PDZRN3: variants seen among roughly 807,000 people sequenced by gnomAD.
The protein encoded by PDZRN3 is PDZ domain containing ring finger 3.
PDZRN3 carries 38 observed loss-of-function variants against 85.7 expected under a neutral mutation model. The ratio of observed to expected loss-of-function variants is 0.44; its 90% confidence interval spans 0.34 to 0.58. The LOEUF is 0.58. Among genes scored for constraint, PDZRN3 ranks in the 20% least tolerant of loss-of-function variants. The probability of loss-of-function intolerance (pLI) is 0.01; values close to 1 mark genes in which losing one functional copy is unlikely to be tolerated. For missense variants in PDZRN3, 1,629 were observed against 1,506.4 expected (o/e 1.08, Z -1.35); for synonymous variants, 759 against 638.0 (o/e 1.19, Z -2.86).
chr3:73,499,721 A>G (rs1281768996), intron 3 of PDZRN3, among the ~76,000 whole-genome samples: 1 of 152,168 alleles, frequency 6.6e-6, no homozygotes, highest in Non-Finnish European at 1.5e-5. Flanking sequence ...TAGATTACAA[A>G]AAGCAGTAAG....
At chr3:73,509,521 C>T (rs1195121638) in intron 3 of PDZRN3, among the ~76,000 whole-genome samples, 2 of 152,206 alleles carry the variant, frequency 1.3e-5, no homozygotes, top group Admixed American at 1.3e-4. Flanking sequence ...CCTTCTGGAT[C>T]TCCCAGTGCT....
intron 2 of PDZRN3, 26 bp from the exon 3 acceptor site, chr3:73,602,487 A>G (rs1702530347): frequency 1.8e-6 from 2 of 1,118,548 alleles, no homozygotes; most frequent in Non-Finnish European, 2.7e-6. Context: ...AAAAACATGC[A>G]TGAATGCTAG....
intron 3 of PDZRN3, among the ~76,000 whole-genome samples, chr3:73,483,924 T>C (rs1283770765): frequency 6.6e-6 from 1 of 152,210 alleles, no homozygotes; most frequent in African/African-American, 2.4e-5. Context: ...GTCAGAACTT[T>C]ACCCATTAGG....
At chr3:73,565,791 AC>A (rs75987995) in intron 3 of PDZRN3, among the ~76,000 whole-genome samples, 115,173 of 143,020 alleles carry the variant, frequency 0.81, 45,659 homozygotes, top group East Asian at 0.87. Context: ...TACAAAACAC[AC>A]ACACACACAC....
intron 3 of PDZRN3, among the ~76,000 whole-genome samples, chr3:73,425,374 G>A (rs1383854015): frequency 1.3e-5 from 2 of 152,008 alleles, no homozygotes; most frequent in African/African-American, 4.8e-5. Flanking sequence ...GATTTCAAAG[G>A]GTGATTCCCA....
chr3:73,531,238 G>A (rs1029056165), intron 3 of PDZRN3, among the ~76,000 whole-genome samples: 4 of 125,116 alleles, frequency 3.2e-5, no homozygotes, highest in Non-Finnish European at 6.4e-5. Flanking sequence ...GTGACAGAGC[G>A]AGACTTCGTC....
chr3:73,384,241 G>C lies in PDZRN3; in HGVS notation c.2325C>G (p.Pro775=), dbSNP rs780298801. ...CCGCCGCTCTCCTCAAGGAGTTGTC[G>C]GGGGAGATCTCCAGGGTGAGCGGGG... ...RSTPLTLEIS[P]DNSLRRAAEG... is the part of the protein sequence containing the mutation. Residue 775 remains proline, a synonymous_variant, in exon 10 of 10, where the codon CCC becomes CCG. Coordinates refer to ENST00000263666, the MANE Select transcript of PDZRN3 (RefSeq NM_015009.3). The C allele has an allele frequency of 6.2e-7, 1 of 1,613,250 alleles. No individual in the cohort carries two copies. The highest frequency in any genetic ancestry group is 8.5e-7 in the Non-Finnish European group (1 of 1,179,844).
At chr3:73,460,735 T>C (rs1414163744) in intron 3 of PDZRN3, among the ~76,000 whole-genome samples, 2 of 152,208 alleles carry the variant, frequency 1.3e-5, no homozygotes, top group African/African-American at 4.8e-5. Context: ...TTTCATCTAG[T>C]AAATGAATTT....
intron 3 of PDZRN3, among the ~76,000 whole-genome samples, chr3:73,523,302 T>C (rs1025524359): frequency 1.3e-5 from 2 of 152,118 alleles, no homozygotes; most frequent in East Asian, 3.9e-4. Flanking sequence ...GCTGGGATTA[T>C]AGGCATAAGC....
In PDZRN3 at chr3:73,461,858, G is replaced by A. The variant is rs149873745; in HGVS notation, c.919-57463C>T. Among the ~76,000 whole-genome samples the A allele has an allele frequency of 1.8e-3, 272 of 152,308 alleles. 1 individual carries two copies. The highest frequency in any genetic ancestry group is 5.9e-3 in the African/African-American group (246 of 41,572). On this transcript the variant is annotated intron_variant, in intron 3 of 9. Transcript: ENST00000263666. ...CATGATTCACTACGGCAGGGCCAGCGCTTGGACAGAGTTGCCTTTAATTGC... is the reference window on the plus strand; with the variant it reads ...CATGATTCACTACGGCAGGGCCAGCACTTGGACAGAGTTGCCTTTAATTGC...
Position 73,489,083 on chromosome 3 carries a change from GGCTTGATTTCCCCA to G in PDZRN3, c.919-84702_919-84689del, listed in dbSNP as rs542836411. Among the ~76,000 whole-genome samples the G allele has an allele frequency of 1.6e-3, 245 of 152,328 alleles. 3 individuals carry two copies. Among genetic ancestry groups the G allele is most frequent in the African/African-American group, 5.1e-3 (214 of 41,566 alleles). Reference sequence around the variant, plus strand: ...GGCCCTTGGGATGGGGGAGATACCTGGCTTGATTTCCCCAGCCCCAGCCAAGGCACAGTGCACTG... The same window carrying G: ...GGCCCTTGGGATGGGGGAGATACCTGGCCCCAGCCAAGGCACAGTGCACTG... On this transcript the variant is annotated intron_variant, in intron 3 of 9. Coordinates refer to ENST00000263666, the MANE Select transcript of PDZRN3 (RefSeq NM_015009.3).
intron 3 of PDZRN3, among the ~76,000 whole-genome samples, chr3:73,565,793 ACACACACACACACACACACAC>A (rs770491192): frequency 0.42 from 61,346 of 145,094 alleles, 13,069 homozygotes; most frequent in Non-Finnish European, 0.47. Flanking sequence ...CAAAACACAC[ACACACACACACACACACACAC>A]ACACACACAC....
intron 3 of PDZRN3, among the ~76,000 whole-genome samples, chr3:73,475,700 G>A (rs371648089): frequency 6.6e-6 from 1 of 152,184 alleles, no homozygotes; most frequent in Non-Finnish European, 1.5e-5. Flanking sequence ...GTAATGAAAT[G>A]AACTTTTACC....
intron 3 of PDZRN3, among the ~76,000 whole-genome samples, chr3:73,416,383 G>C (rs896352851): frequency 6.6e-6 from 1 of 151,898 alleles, no homozygotes; most frequent in African/African-American, 2.4e-5. Context: ...TTAGGACTTA[G>C]ATAGATCCTG....
At chr3:73,404,649 CTT>C in intron 3 of PDZRN3, 1 of 425,716 alleles carries the variant, frequency 2.3e-6, no homozygotes, top group Non-Finnish European at 4.2e-6. Context: ...CGTGGAATGT[CTT>C]TAACACAATT....
chr3:73,517,776 A>G lies in PDZRN3; in HGVS notation c.918+84578T>C, dbSNP rs370058992. 3.2e-4 allele frequency among the ~76,000 whole-genome samples: 48 copies of G among 152,364 alleles called. 1 individual carries two copies. In the East Asian group the frequency reaches 5.2e-3, roughly 17 times the overall value. ...TTGGTAATATGTTTTGTGCACCAAA[A>G]TATTTTCCAGCATCAAAATTATAAA... On this transcript the variant is annotated intron_variant, in intron 3 of 9. Transcript: ENST00000263666.
intron 3 of PDZRN3, among the ~76,000 whole-genome samples, chr3:73,540,716 T>C (rs891149877): frequency 1.3e-5 from 2 of 152,204 alleles, no homozygotes; most frequent in East Asian, 3.8e-4. Context: ...TCCCCAGCCA[T>C]GCAGAACTGA....
intron 3 of PDZRN3, among the ~76,000 whole-genome samples, chr3:73,497,612 T>C (rs1379843477): frequency 6.6e-6 from 1 of 152,226 alleles, no homozygotes; most frequent in Non-Finnish European, 1.5e-5. Context: ...TATATAAAAG[T>C]AGAGGACAGC....
rs755788318 is a variant in PDZRN3 at position 73,384,100 on chromosome 3, A to G, written c.2466T>C (p.Tyr822=). ...GGTCCAGCTCCTTCAGGGACGGGCTATAGGTAGGGGTGCCCACTTCGGGAT... is the reference window on the plus strand; with the variant it reads ...GGTCCAGCTCCTTCAGGGACGGGCTGTAGGTAGGGGTGCCCACTTCGGGAT... The part of the protein sequence containing the change: ...TEDPEVGTPT[Y]SPSLKELDPN... The change falls in exon 10 of 10, where the codon TAT becomes TAC. Residue 822 remains tyrosine (Y), a synonymous_variant. Coordinates refer to ENST00000263666, the MANE Select transcript of PDZRN3 (RefSeq NM_015009.3). 2.5e-6 allele frequency: 4 copies of G among 1,613,824 alleles called. No homozygotes were observed. Among genetic ancestry groups the G allele is most frequent in the Non-Finnish European group, 3.4e-6 (4 of 1,179,978 alleles).
Sources: gnomAD v4.1 joint callset for allele counts (sites outside exome capture counted in the v4.1 genomes callset) on GRCh38, gnomAD v4.1.1 for gene constraint, MANE v1.5 for transcripts, NCBI Gene and HGNC (gene_info 2026-07-23, HGNC 2026-07-21) for gene names.